Variants in HS3ST2 observed in about 807,000 individuals in gnomAD.
HS3ST2 encodes heparan sulfate-glucosamine 3-sulfotransferase 2, also known as heparan sulfate glucosamine 3-O-sulfotransferase 2.
HS3ST2 carries 17 observed loss-of-function variants against 26.3 expected under a neutral mutation model. The ratio of observed to expected loss-of-function variants is 0.65; its 90% CI spans 0.44 to 0.97. The LOEUF (loss-of-function observed/expected upper bound fraction) is 0.97, where lower values mean the gene tolerates loss of function less well. Ranked by LOEUF, HS3ST2 falls within the 50% of genes least tolerant of loss-of-function variation. The probability of loss-of-function intolerance (pLI) is 0.00; values close to 1 mark genes in which losing one functional copy is unlikely to be tolerated. For missense variants in HS3ST2, 402 were observed against 501.2 expected, an observed-to-expected ratio of 0.80 and a Z score of 1.89; for synonymous variants, 237 against 219.2, an observed-to-expected ratio of 1.08 and a Z score of -0.72.
At chr16:22,842,907 G>A (rs557202529) in intron 1 of HS3ST2, among the ~76,000 whole-genome samples, 102 of 152,276 alleles carry the variant, frequency 6.7e-4, no homozygotes, top group Non-Finnish European at 1.3e-3. Context: ...GGATTTGTCT[G>A]TCCCATTGTG....
intron 1 of HS3ST2, among the ~76,000 whole-genome samples, chr16:22,850,584 C>T (rs991041663): frequency 3.9e-5 from 6 of 152,006 alleles, no homozygotes; most frequent in African/African-American, 9.7e-5. Context: ...GTCAGGAGTT[C>T]GCGATCAGCC....
At chr16:22,826,611 T>G (rs1377252993) in intron 1 of HS3ST2, among the ~76,000 whole-genome samples, 1 of 152,242 alleles carries the variant, frequency 6.6e-6, no homozygotes, top group Non-Finnish European at 1.5e-5. Flanking sequence ...ACTGTATCCC[T>G]GAAGCTCAGA....
At chr16:22,878,566 C>T (rs1901948830) in intron 1 of HS3ST2, among the ~76,000 whole-genome samples, 1 of 151,880 alleles carries the variant, frequency 6.6e-6, no homozygotes, top group African/African-American at 2.4e-5. Context: ...CCCTGTAAGC[C>T]AGGTGGAAAC....
At chr16:22,893,539 T>C (rs1279050369) in intron 1 of HS3ST2, among the ~76,000 whole-genome samples, 1 of 152,146 alleles carries the variant, frequency 6.6e-6, no homozygotes, top group Non-Finnish European at 1.5e-5. Flanking sequence ...ATTTTTTCTT[T>C]TGACCTATTT....
Position 22,915,667 on chromosome 16 carries a change from C to G in HS3ST2, c.*105C>G, listed in dbSNP as rs1249715345. 4.7e-6 allele frequency: 6 copies of G among 1,281,896 alleles called. No homozygotes were observed. Among genetic ancestry groups the G allele is most frequent in the Admixed American group, 4.7e-5 (2 of 42,420 alleles). 79.4% of individuals were successfully genotyped at this position (1,281,896 alleles called of 1,614,324 possible). A position where few individuals can be genotyped will look rare whatever the true frequency, so the allele number is the denominator to read the frequency against. On this transcript the variant is annotated 3_prime_UTR_variant, in exon 2 of 2. Transcript: ENST00000261374. ...CTCCAACAAACCCTGGCTCCAGCCC[C>G]CTTTCCCAACTTGAGTTGCATCATC...
At chr16:22,886,972 A>C (rs1902068739) in intron 1 of HS3ST2, among the ~76,000 whole-genome samples, 1 of 152,128 alleles carries the variant, frequency 6.6e-6, no homozygotes, top group Admixed American at 6.5e-5. Flanking sequence ...GGCCAGTCTC[A>C]AACTCCTGAC....
chr16:22,859,595 C>T (rs1901647665), intron 1 of HS3ST2, among the ~76,000 whole-genome samples: 1 of 152,116 alleles, frequency 6.6e-6, no homozygotes, highest in South Asian at 2.1e-4. Flanking sequence ...CCTTCTTGGG[C>T]CAAAGGGGTT....
At chr16:22,836,146 A>T (rs976375812) in intron 1 of HS3ST2, among the ~76,000 whole-genome samples, 2 of 152,188 alleles carry the variant, frequency 1.3e-5, no homozygotes, top group African/African-American at 4.8e-5. Flanking sequence ...TATGATACTG[A>T]AAAAAAGGAT....
chr16:22,872,672 G>C (rs1318848654), intron 1 of HS3ST2, among the ~76,000 whole-genome samples: 1 of 152,118 alleles, frequency 6.6e-6, no homozygotes, highest in Non-Finnish European at 1.5e-5. Context: ...ACCTCAACCA[G>C]CAACTCTGAC....
At chr16:22,838,497 G>T (rs1475350409) in intron 1 of HS3ST2, among the ~76,000 whole-genome samples, 1 of 152,092 alleles carries the variant, frequency 6.6e-6, no homozygotes, top group Non-Finnish European at 1.5e-5. Flanking sequence ...TGGCTGATTT[G>T]ACATTCTTAT....
chr16:22,874,990 G>A (rs1463157566), intron 1 of HS3ST2, among the ~76,000 whole-genome samples: 2 of 152,162 alleles, frequency 1.3e-5, no homozygotes, highest in Admixed American at 6.5e-5. Flanking sequence ...GGCCAGCATT[G>A]ACAGAACACT....
rs377510927 is a variant in HS3ST2 at position 22,916,234 on chromosome 16, A to G, written c.*672A>G. 1 of 152,756 alleles carries G rather than the reference A, an allele frequency of 6.5e-6. No homozygotes were observed. The highest frequency in any genetic ancestry group is 2.4e-5 in the African/African-American group (1 of 41,462). The allele number at this position is 152,756 out of a possible 1,614,324, so 9.5% of individuals were successfully genotyped here. A position where few individuals can be genotyped will look rare whatever the true frequency, so the allele number is the denominator to read the frequency against. ...CTGCTCCCTGTGGACAAAAGCACAT[A>G]ATTCTGCTGTTACGGGTACTTTGCT... On this transcript the variant is annotated 3_prime_UTR_variant, in exon 2 of 2. Coordinates refer to ENST00000261374, the MANE Select transcript of HS3ST2 (RefSeq NM_006043.2).
intron 1 of HS3ST2, among the ~76,000 whole-genome samples, chr16:22,913,910 G>C (rs552248397): frequency 6.6e-6 from 1 of 152,114 alleles, no homozygotes; most frequent in African/African-American, 2.4e-5. Context: ...GCTGAGGCAG[G>C]AGAATCACTT....
intron 1 of HS3ST2, among the ~76,000 whole-genome samples, chr16:22,824,002 C>T (rs1032152715): frequency 3.9e-5 from 6 of 152,192 alleles, no homozygotes; most frequent in African/African-American, 1.4e-4. Flanking sequence ...ATTATTCTTA[C>T]TGGTGGAAAG....
intron 1 of HS3ST2, among the ~76,000 whole-genome samples, chr16:22,853,181 C>T (rs983677590): frequency 6.6e-6 from 1 of 152,128 alleles, no homozygotes; most frequent in Non-Finnish European, 1.5e-5. Context: ...GAAAGCCCCC[C>T]ATGCACCTTT....
chr16:22,821,985 C>T (rs1445789392), intron 1 of HS3ST2, among the ~76,000 whole-genome samples: 1 of 152,134 alleles, frequency 6.6e-6, no homozygotes, highest in Non-Finnish European at 1.5e-5. Flanking sequence ...AATGGCTCCA[C>T]CTCAGTGTCC....
In HS3ST2 at chr16:22,916,229, C is replaced by T. The variant is rs1470044987; in HGVS notation, c.*667C>T. The T allele has an allele frequency of 6.5e-6, 1 of 152,748 alleles. No individual in the cohort carries two copies. Among genetic ancestry groups the T allele is most frequent in the African/African-American group, 2.4e-5 (1 of 41,464 alleles). The allele number at this position is 152,748 out of a possible 1,614,324, so 9.5% of individuals were successfully genotyped here. On this transcript the variant is annotated 3_prime_UTR_variant, in exon 2 of 2. Coordinates refer to ENST00000261374, the MANE Select transcript of HS3ST2 (RefSeq NM_006043.2). ...TCTCCCTGCTCCCTGTGGACAAAAG[C>T]ACATAATTCTGCTGTTACGGGTACT...
At chr16:22,858,930 C>G (rs968625363) in intron 1 of HS3ST2, among the ~76,000 whole-genome samples, 9 of 152,156 alleles carry the variant, frequency 5.9e-5, no homozygotes, top group African/African-American at 2.2e-4. Flanking sequence ...CTTTGGGAGG[C>G]TGAAGTGGGA....
intron 1 of HS3ST2, among the ~76,000 whole-genome samples, chr16:22,863,009 G>T (rs952770713): frequency 2.0e-5 from 3 of 152,208 alleles, no homozygotes; most frequent in South Asian, 2.1e-4. Flanking sequence ...GTTAGGACCC[G>T]CTGGGGACCA....
Sources: allele counts gnomAD v4.1 joint callset (sites outside exome capture counted in the v4.1 genomes callset), GRCh38; gene constraint gnomAD v4.1.1; transcripts MANE v1.5; gene names NCBI Gene and HGNC (gene_info 2026-07-23, HGNC 2026-07-21).